Variants in PRR16 observed in about 807,000 individuals in gnomAD.
PRR16 encodes proline rich 16.
A neutral mutation model predicts 18.2 loss-of-function variants in PRR16; 6 were observed. That is an observed-to-expected ratio of 0.33 (90% CI 0.18 to 0.65). The LOEUF is 0.65. Ranked by LOEUF, PRR16 falls within the 30% of genes least tolerant of loss-of-function variation. The pLI is 0.74. For missense variants in PRR16, 412 were observed against 376.6 expected (o/e 1.09, Z -0.78); for synonymous variants, 151 against 147.8 (o/e 1.02, Z -0.16).
chr5:120,583,860 C>A (rs1183627513), intron 1 of PRR16, among the ~76,000 whole-genome samples: 4 of 152,074 alleles, frequency 2.6e-5, no homozygotes, highest in African/African-American at 4.8e-5. Flanking sequence ...CCCAAGCTGT[C>A]ATTGGTACTC....
chr5:120,765,988 A>T, the PRR16 span, among the ~76,000 whole-genome samples: 1 of 150,890 alleles, frequency 6.6e-6, no homozygotes, highest in African/African-American at 2.5e-5. Flanking sequence ...ACCACAATTT[A>T]TTTATCCATT....
At chr5:120,583,648 C>A (rs998656672) in intron 1 of PRR16, among the ~76,000 whole-genome samples, 1 of 152,148 alleles carries the variant, frequency 6.6e-6, no homozygotes, top group East Asian at 1.9e-4. Context: ...GTATGATGAA[C>A]TGTCAATGCT....
At chr5:120,754,190 ATAAT>A in the PRR16 span, among the ~76,000 whole-genome samples, 1 of 107,914 alleles carries the variant, frequency 9.3e-6, no homozygotes, top group Admixed American at 1.4e-4. Context: ...TATATAATAT[ATAAT>A]TATATATTAT....
chr5:120,642,999 A>G (rs1755472948), intron 1 of PRR16, among the ~76,000 whole-genome samples: 1 of 152,100 alleles, frequency 6.6e-6, no homozygotes, highest in Non-Finnish European at 1.5e-5. Context: ...AATATTTGTG[A>G]CATGAATTAA....
chr5:120,633,581 T>A (rs1297193472), intron 1 of PRR16, among the ~76,000 whole-genome samples: 5 of 152,234 alleles, frequency 3.3e-5, no homozygotes, highest in African/African-American at 1.2e-4. Flanking sequence ...TCTTCTTATT[T>A]CAGACAAAAC....
the PRR16 span, among the ~76,000 whole-genome samples, chr5:120,775,531 C>G: frequency 6.6e-6 from 1 of 151,998 alleles, no homozygotes; most frequent in East Asian, 1.9e-4. Context: ...AGTTTCCTAA[C>G]CTGCTATTCC....
At chr5:120,497,272 C>T (rs1232326702) in intron 1 of PRR16, among the ~76,000 whole-genome samples, 2 of 150,860 alleles carry the variant, frequency 1.3e-5, no homozygotes, top group African/African-American at 4.9e-5. Context: ...TTTCTAGTTA[C>T]CCCGTCAGTT....
chr5:120,486,632 C>T (rs1157718300), intron 1 of PRR16, among the ~76,000 whole-genome samples: 1 of 152,108 alleles, frequency 6.6e-6, no homozygotes, highest in Non-Finnish European at 1.5e-5. Flanking sequence ...TTTTGCTGTG[C>T]AGAAGCTCTT....
chr5:120,616,261 A>C (rs945927682), intron 1 of PRR16, among the ~76,000 whole-genome samples: 1 of 152,098 alleles, frequency 6.6e-6, no homozygotes, highest in Non-Finnish European at 1.5e-5. Flanking sequence ...GTGTTTTGGG[A>C]GCATGTTACC....
intron 1 of PRR16, among the ~76,000 whole-genome samples, chr5:120,670,564 C>T (rs1163004609): frequency 6.6e-6 from 1 of 152,100 alleles, no homozygotes; most frequent in Non-Finnish European, 1.5e-5. Flanking sequence ...TTTCATGTCA[C>T]GTATTCTGGA....
At chr5:120,683,634 G>A (rs535509657) in intron 1 of PRR16, among the ~76,000 whole-genome samples, 3 of 151,906 alleles carry the variant, frequency 2.0e-5, no homozygotes, top group Admixed American at 6.6e-5. Context: ...GTTTATTTAT[G>A]TATAGTACAC....
intron 1 of PRR16, among the ~76,000 whole-genome samples, chr5:120,557,600 G>C (rs1232662931): frequency 6.6e-6 from 1 of 151,568 alleles, no homozygotes; most frequent in Admixed American, 6.6e-5. Flanking sequence ...TGTGACTCTG[G>C]GCAACTCTTT....
chr5:120,628,164 G>A (rs1754928992), intron 1 of PRR16, among the ~76,000 whole-genome samples: 1 of 151,960 alleles, frequency 6.6e-6, no homozygotes, highest in African/African-American at 2.4e-5. Context: ...TTTTTTATTT[G>A]CAGTTGTTTT....
chr5:120,706,285 T>C, the PRR16 span, among the ~76,000 whole-genome samples: 2 of 93,196 alleles, frequency 2.1e-5, no homozygotes, highest in African/African-American at 7.3e-5. Context: ...CCTGATGTAA[T>C]GACATGTAGA....
chr5:120,761,589 C>CT, the PRR16 span, among the ~76,000 whole-genome samples: 257 of 151,958 alleles, frequency 1.7e-3, no homozygotes, highest in African/African-American at 5.8e-3. Flanking sequence ...TTAGATTTAT[C>CT]TTTTTTTATC....
the PRR16 span, among the ~76,000 whole-genome samples, chr5:120,753,923 T>A: frequency 2.5e-5 from 1 of 40,264 alleles, no homozygotes; most frequent in Non-Finnish European, 5.6e-5. Flanking sequence ...TATAAATGTA[T>A]ATAAATATTA....
chr5:120,647,389 G>T (rs1045960309), intron 1 of PRR16, among the ~76,000 whole-genome samples: 5 of 148,376 alleles, frequency 3.4e-5, no homozygotes, highest in Admixed American at 2.7e-4. Flanking sequence ...TTTTTTAAGA[G>T]ATTTAAAAAA....
At chr5:120,604,093 G>A (rs943043643) in intron 1 of PRR16, among the ~76,000 whole-genome samples, 1 of 146,176 alleles carries the variant, frequency 6.8e-6, no homozygotes, top group African/African-American at 2.7e-5. Context: ...CTGAGTTTAG[G>A]TCCCAAATTT....
intron 1 of PRR16, among the ~76,000 whole-genome samples, chr5:120,530,192 G>C (rs1751497411): frequency 1.4e-5 from 2 of 139,956 alleles, no homozygotes; most frequent in African/African-American, 5.4e-5. Context: ...TATATATATA[G>C]AATATATATA....
Sources: gnomAD v4.1 joint callset for allele counts (sites outside exome capture counted in the v4.1 genomes callset) on GRCh38, gnomAD v4.1.1 for gene constraint, MANE v1.5 for transcripts, NCBI Gene and HGNC (gene_info 2026-07-23, HGNC 2026-07-21) for gene names.